Variants in CRMP1 observed in about 807,000 individuals in gnomAD.
CRMP1 encodes dihydropyrimidinase-related protein 1.
Under a neutral mutation model 68.3 loss-of-function variants are expected in CRMP1, and 19 were observed. The observed-to-expected ratio is 0.28, with a 90% CI of 0.19 to 0.41. The LOEUF (loss-of-function observed/expected upper bound fraction) is 0.41, where lower values mean the gene tolerates loss of function less well. CRMP1 is among the 10% of genes least tolerant of loss of function. The pLI is 1.00. For missense variants in CRMP1, 791 were observed against 967.4 expected (o/e 0.82, Z 2.42); for synonymous variants, 439 against 399.6 (o/e 1.10, Z -1.18).
rs1380648827 is a variant in CRMP1 at position 5,860,038 on chromosome 4, C to G, written c.655+988G>C. Among the ~76,000 whole-genome samples the G allele has an allele frequency of 6.6e-6, 1 of 152,110 alleles. No individual in the cohort carries two copies. Among genetic ancestry groups the G allele is most frequent in the African/African-American group, 2.4e-5 (1 of 41,432 alleles). On this transcript the variant is annotated intron_variant, in intron 3 of 13. Coordinates refer to ENST00000324989, the MANE Select transcript of CRMP1 (RefSeq NM_001014809.3). The surrounding 1 kb of genome is among the most constrained non-coding windows in gnomAD (Gnocchi z 4.2). ...CACAAGAAACAGCCATCGGGCTGCA[C>G]AGGGCAATGGAGGAGGAGTCCAGTT...
At chr4:5,887,611 G>A (rs896713664) in intron 1 of CRMP1, 1 of 984,890 alleles carries the variant, frequency 1.0e-6, no homozygotes, top group African/African-American at 1.7e-5. Context: ...CCAGCGTCGG[G>A]AACATTAACC....
rs149125022 is a variant in CRMP1, at chr4:5,884,883, T to A, written c.381+7706A>T. Among the ~76,000 whole-genome samples, 23 of 152,022 alleles carry A rather than the reference T, an allele frequency of 1.5e-4. 1 individual carries two copies. The East Asian group carries it at 4.3e-3, about 28-fold the overall frequency. ...CAGCTTCTGCAGGGCTAGGAAGCCATGTGCCTTTGTTTGCTCAGAGCCACA... is the reference window on the plus strand; with the variant it reads ...CAGCTTCTGCAGGGCTAGGAAGCCAAGTGCCTTTGTTTGCTCAGAGCCACA... On this transcript the variant is annotated intron_variant, in intron 1 of 13. Transcript: ENST00000324989.
intron 4 of CRMP1, among the ~76,000 whole-genome samples, chr4:5,852,810 G>T (rs867125960): frequency 2.0e-5 from 3 of 152,066 alleles, no homozygotes; most frequent in Non-Finnish European, 2.9e-5. Context: ...TGCATGGGGG[G>T]GTTGCATCTG....
In CRMP1 at chr4:5,892,548, GC is replaced by G; in HGVS notation, c.381+40del. On this transcript the variant is annotated intron_variant, in intron 1 of 13. Transcript: ENST00000324989. The surrounding 1 kb of genome is among the most constrained non-coding windows in gnomAD (Gnocchi z 8.6). Reference sequence around the variant, plus strand: ...GCCCCATGCCCTGGGTCCTCCCGGGGCCCGCCCCCCTCGTCTGGCCCGCGCG... The same window carrying G: ...GCCCCATGCCCTGGGTCCTCCCGGGGCCGCCCCCCTCGTCTGGCCCGCGCG... 8.6e-7 allele frequency: 1 copy of G among 1,167,596 alleles called. No homozygotes were observed. Among genetic ancestry groups the G allele is most frequent in the Non-Finnish European group, 1.1e-6 (1 of 946,424 alleles). The allele number at this position is 1,167,596 out of a possible 1,614,324, so 72.3% of individuals were successfully genotyped here.
At chr4:5,847,481 TA>T (rs1712309826) in intron 6 of CRMP1, among the ~76,000 whole-genome samples, 1 of 152,188 alleles carries the variant, frequency 6.6e-6, no homozygotes, top group South Asian at 2.1e-4. Flanking sequence ...TGCCCTTGTA[TA>T]ATCCCTTCTT....
At chr4:5,824,360 A>C in intron 13 of CRMP1, 1 of 985,386 alleles carries the variant, frequency 1.0e-6, no homozygotes, top group Non-Finnish European at 1.2e-6. Flanking sequence ...TCAAAGTCTT[A>C]TGGAGAGTGA....
Position 5,825,889 on chromosome 4 carries a change from AT to A in CRMP1, c.1804-231del. The A allele has an allele frequency of 1.9e-6, 1 of 513,786 alleles. No homozygotes were observed. Among genetic ancestry groups the A allele is most frequent in the Non-Finnish European group, 3.5e-6 (1 of 289,434 alleles). 31.8% of individuals were successfully genotyped at this position (513,786 alleles called of 1,614,324 possible). A position where few individuals can be genotyped will look rare whatever the true frequency, so the allele number is the denominator to read the frequency against. The stretch of plus-strand genomic sequence containing the variant: ...CACACACATCTACATACCCACATGC[AT>A]ACACATACAGACGCACACACCACGC... On this transcript the variant is annotated intron_variant, in intron 12 of 13. Transcript: ENST00000324989. The surrounding 1 kb of genome is among the most constrained non-coding windows in gnomAD (Gnocchi z 4.4).
intron 2 of CRMP1, among the ~76,000 whole-genome samples, chr4:5,864,155 G>C (rs1713807188): frequency 6.6e-6 from 1 of 152,128 alleles, no homozygotes; most frequent in South Asian, 2.1e-4. Flanking sequence ...ATGGCCACTT[G>C]CTCCTTCTGT....
At chr4:5,874,249 C>T (rs1247639566) in intron 1 of CRMP1, among the ~76,000 whole-genome samples, 2 of 152,234 alleles carry the variant, frequency 1.3e-5, no homozygotes, top group African/African-American at 4.8e-5. Flanking sequence ...CATTCAGCTA[C>T]TACAGCTACT....
chr4:5,848,394 T>A (rs1712381897), intron 6 of CRMP1, among the ~76,000 whole-genome samples: 1 of 152,190 alleles, frequency 6.6e-6, no homozygotes, highest in Non-Finnish European at 1.5e-5. Context: ...GGTTTTGCCA[T>A]GTTGGCCAGG....
At chr4:5,887,360 C>T (rs1241673299) in intron 1 of CRMP1, 1 of 985,562 alleles carries the variant, frequency 1.0e-6, no homozygotes, top group Non-Finnish European at 1.2e-6. Flanking sequence ...CAGAATCCCG[C>T]CTCCCGGCCC....
rs1224502246 is a variant in CRMP1, at chr4:5,853,969, C to T, written c.820+2174G>A. On this transcript the variant is annotated intron_variant, in intron 4 of 13. Coordinates refer to ENST00000324989, the MANE Select transcript of CRMP1 (RefSeq NM_001014809.3). This position sits in a 1 kb window ranked among gnomAD's most constrained non-coding sequence, Gnocchi z 4.7. ...GCCTGCTGGTGACCCAGCCCAGATGCGCACAGCACAGGGCTCCCTGGATGC... is the reference window on the plus strand; with the variant it reads ...GCCTGCTGGTGACCCAGCCCAGATGTGCACAGCACAGGGCTCCCTGGATGC... 5.3e-5 allele frequency among the ~76,000 whole-genome samples: 8 copies of T among 152,346 alleles called. No individual in the cohort carries two copies. In the South Asian group the frequency reaches 1.0e-3, roughly 20 times the overall value.
chr4:5,828,549 G>T lies in CRMP1; in HGVS notation c.1743C>A (p.Arg581=). The T allele has an allele frequency of 6.2e-7, 1 of 1,614,216 alleles. No individual in the cohort carries two copies. Among genetic ancestry groups the T allele is most frequent in the Non-Finnish European group, 8.5e-7 (1 of 1,180,038 alleles). The stretch of plus-strand genomic sequence containing the variant: ...CCGGGAACGCCTTCCGCGGAATGAA[G>T]CGGCCCATGCCCTTGTTGACGTTGA... The part of the protein sequence containing the change: ...GNINVNKGMG[R]FIPRKAFPEH... The change falls in exon 12 of 14, where the codon CGC becomes CGA. Residue 581 remains arginine (R), a synonymous_variant. Coordinates refer to ENST00000324989, the MANE Select transcript of CRMP1 (RefSeq NM_001014809.3).
chr4:5,828,222 C>G, intron 12 of CRMP1: 6 of 985,406 alleles, frequency 6.1e-6, no homozygotes, highest in Non-Finnish European at 7.2e-6. Context: ...GCTTGGTAAG[C>G]GTCCCTCCCA....
chr4:5,869,681 C>CAA (rs33973891), intron 1 of CRMP1, among the ~76,000 whole-genome samples: 232 of 92,906 alleles, frequency 2.5e-3, no homozygotes, highest in African/African-American at 9.0e-3. Context: ...AAGACTCCGT[C>CAA]AAAAAAAAAA....
rs148870824 is a variant in CRMP1 at position 5,825,410 on chromosome 4, G to C, written c.1969+84C>G. 1 of 1,489,394 alleles carries C rather than the reference G, an allele frequency of 6.7e-7. No homozygotes were observed. Among genetic ancestry groups the C allele is most frequent in the Non-Finnish European group, 8.9e-7 (1 of 1,126,840 alleles). The allele number at this position is 1,489,394 out of a possible 1,614,324, so 92.3% of individuals were successfully genotyped here. ...TTCTTCATCTAGTGTCCAAGGCCAC[G>C]TGTCCATTTCCTCAGAAGCAGCAGG... On this transcript the variant is annotated intron_variant, in intron 13 of 13. Transcript: ENST00000324989. This position sits in a 1 kb window ranked among gnomAD's most constrained non-coding sequence, Gnocchi z 4.4.
chr4:5,835,024 T>C (rs1416335403), intron 11 of CRMP1, among the ~76,000 whole-genome samples: 3 of 152,208 alleles, frequency 2.0e-5, no homozygotes, highest in Non-Finnish European at 4.4e-5. Flanking sequence ...GTGCCTCATG[T>C]CCTGTCCCCA....
intron 2 of CRMP1, among the ~76,000 whole-genome samples, chr4:5,863,979 G>C (rs144378382): frequency 6.6e-6 from 1 of 152,204 alleles, no homozygotes; most frequent in Non-Finnish European, 1.5e-5. Context: ...CACGCAGAGA[G>C]CTTCTCAGCA....
chr4:5,851,605 C>A (rs1358499697), intron 4 of CRMP1, 136 bp from the exon 5 acceptor site: 1 of 815,428 alleles, frequency 1.2e-6, no homozygotes, highest in Non-Finnish European at 2.0e-6. Context: ...CAGTGGGGCA[C>A]CTATCCAGCC....
Sources: gnomAD v4.1 joint callset for allele counts (sites outside exome capture counted in the v4.1 genomes callset) on GRCh38, gnomAD v4.1.1 for gene constraint, Gnocchi (gnomAD v3.1) non-coding constraint, MANE v1.5 for transcripts, NCBI Gene and HGNC (gene_info 2026-07-23, HGNC 2026-07-21) for gene names.